The following MIA2 variants were observed in gnomAD, a reference collection of about 807,000 sequenced individuals.
MIA2 encodes the protein MIA SH3 domain ER export factor 2, also known as melanoma inhibitory activity protein 2.
MIA2 carries 127 observed loss-of-function variants against 167.8 expected under a neutral mutation model. That is an observed-to-expected ratio of 0.76 (90% confidence interval 0.66 to 0.88). The LOEUF is 0.88. Ranked by LOEUF, MIA2 falls within the 40% of genes least tolerant of loss-of-function variation. The probability of loss-of-function intolerance (pLI) is 0.00; values close to 1 mark genes in which losing one functional copy is unlikely to be tolerated. For missense variants in MIA2, 1,690 were observed against 1,624.7 expected (o/e 1.04, Z -0.69); for synonymous variants, 552 against 541.9 (o/e 1.02, Z -0.26).
chr14:39,354,358 G>A (rs2074467950), downstream of MIA2, among the ~76,000 whole-genome samples: 1 of 152,176 alleles, frequency 6.6e-6, no homozygotes, highest in Non-Finnish European at 1.5e-5. Flanking sequence ...CTGCATAAAT[G>A]TCTTCTTTTG....
At chr14:39,354,752 G>T (rs994690340), downstream of MIA2, among the ~76,000 whole-genome samples, 3 of 152,162 alleles carry the variant, frequency 2.0e-5, no homozygotes, top group Non-Finnish European at 2.9e-5. Flanking sequence ...GTGTAAGGAA[G>T]GGGTCCAGTT....
intron 22 of MIA2, 52 bp downstream of exon 22, chr14:39,318,063 A>C: frequency 1.5e-6 from 2 of 1,305,940 alleles, no homozygotes; most frequent in South Asian, 2.7e-5. Context: ...TATTTCGTTA[A>C]TTAGGTAATA....
rs977217444 is a variant in MIA2, at chr14:39,270,496, G to T, written c.1888-6438G>T. On this transcript the variant is annotated intron_variant, in intron 6 of 28. Transcript: ENST00000640607. Reference sequence around the variant, plus strand: ...TTACAGGTGTGAGTCCCCCCACCCGGCTTTACTCTGTTTTTTGTTGTTGTT... The same window carrying T: ...TTACAGGTGTGAGTCCCCCCACCCGTCTTTACTCTGTTTTTTGTTGTTGTT... Among the ~76,000 whole-genome samples, 7 of 151,974 alleles carry T rather than the reference G, an allele frequency of 4.6e-5. No individual in the cohort carries two copies. In the South Asian group the frequency reaches 1.5e-3, roughly 32 times the overall value.
At chr14:39,350,048 G>A in intron 28 of MIA2, 50 bp from the exon 29 acceptor site, 1 of 717,894 alleles carries the variant, frequency 1.4e-6, no homozygotes. Context: ...TTAGGGCACA[G>A]TACAGGTTCT....
chr14:39,348,523 G>C (rs1302658709), intron 27 of MIA2, among the ~76,000 whole-genome samples: 1 of 151,954 alleles, frequency 6.6e-6, no homozygotes, highest in African/African-American at 2.4e-5. Flanking sequence ...TTACTTTGTT[G>C]GTTAAAGCTG....
Position 39,279,463 on chromosome 14 carries a change from C to G in MIA2, c.2056C>G (p.Leu686Val), listed in dbSNP as rs752078931. 5 of 1,607,272 alleles carry G rather than the reference C, an allele frequency of 3.1e-6. No individual in the cohort carries two copies. In the Admixed American group the frequency reaches 6.8e-5, roughly 22 times the overall value. The change falls in exon 9 of 29, where the codon CTT (leucine) becomes GTT (valine). Residue 686 changes from leucine (L) to valine (V), a missense_variant. Transcript: ENST00000640607. The part of the protein sequence containing the change: ...SRLYVGREKK[L>V]ALMLSGLIEE... ...GACTTTTTTAGGACGAGAGAAAAAG[C>G]TTGCTCTAATGCTTTCTGGACTAAT...
At chr14:39,312,418 G>T (rs932689132) in intron 18 of MIA2, among the ~76,000 whole-genome samples, 1 of 152,230 alleles carries the variant, frequency 6.6e-6, no homozygotes, top group Admixed American at 6.5e-5. Context: ...AATAGGTAAT[G>T]TAGTGTGTAG....
rs138671940 is a variant in MIA2 at position 39,279,484 on chromosome 14, C to G, written c.2077C>G (p.Leu693Val). 1 of 1,609,088 alleles carries G rather than the reference C, an allele frequency of 6.2e-7. No homozygotes were observed. The highest frequency in any genetic ancestry group is 1.1e-5 in the South Asian group (1 of 89,432). Residue 693 changes from leucine (L) to valine (V), a missense_variant, in exon 9 of 29, where the codon CTA becomes GTA. Leu to Val is a conservative substitution (Grantham distance 32, BLOSUM62 1). Transcript: ENST00000640607. The stretch of plus-strand genomic sequence containing the variant: ...AAAGCTTGCTCTAATGCTTTCTGGA[C>G]TAATTGAAGAAAAAAGTAAACTACT... ...EKKLALMLSG[L>V]IEEKSKLLEK...
chr14:39,315,317 A>T (rs1335448080), intron 20 of MIA2: 1 of 166,946 alleles, frequency 6.0e-6, no homozygotes, highest in Non-Finnish European at 1.3e-5. Flanking sequence ...AAAAAAAAAA[A>T]ATAAAATAAA....
intron 23 of MIA2, among the ~76,000 whole-genome samples, chr14:39,357,648 C>T (rs1008586522): frequency 2.6e-5 from 4 of 152,156 alleles, no homozygotes; most frequent in Non-Finnish European, 4.4e-5. Flanking sequence ...TTCCTAGCCT[C>T]GATGGTCTTC....
In MIA2 at chr14:39,303,473, T is replaced by G. The variant is rs758092007; in HGVS notation, c.2741-5T>G. The G allele has an allele frequency of 1.2e-5, 19 of 1,607,626 alleles. No individual in the cohort carries two copies. In the African/African-American group the frequency reaches 2.0e-4, roughly 17 times the overall value. Reference sequence around the variant, plus strand: ...TCATTGTTGTGCTTTTGATTTTCACTGTAGATAATCCTCCAAAAGGAGCTT... The same window carrying G: ...TCATTGTTGTGCTTTTGATTTTCACGGTAGATAATCCTCCAAAAGGAGCTT... On this transcript the variant is annotated splice_region_variant and splice_polypyrimidine_tract_variant and intron_variant, in intron 15 of 28. Coordinates refer to ENST00000640607, the MANE Select transcript of MIA2 (RefSeq NM_001329214.4).
intron 3 of MIA2, among the ~76,000 whole-genome samples, chr14:39,243,004 T>A (rs1228976927): frequency 1.3e-5 from 2 of 151,544 alleles, no homozygotes; most frequent in African/African-American, 4.9e-5. Context: ...ACGCCTGTAA[T>A]CCCAGCTACT....
At chr14:39,326,299 G>C (rs568058663) in intron 24 of MIA2, among the ~76,000 whole-genome samples, 6 of 152,140 alleles carry the variant, frequency 3.9e-5, no homozygotes, top group African/African-American at 1.4e-4. Context: ...TTTAAATCAG[G>C]CTATTTAAAA....
chr14:39,266,153 G>T, intron 6 of MIA2: 3 of 985,350 alleles, frequency 3.0e-6, no homozygotes, highest in Non-Finnish European at 3.6e-6. Flanking sequence ...AGTTCTTTTG[G>T]GTGATTTGTT....
At chr14:39,369,885 C>T (rs923463043) in intron 23 of MIA2, among the ~76,000 whole-genome samples, 3 of 152,064 alleles carry the variant, frequency 2.0e-5, no homozygotes, top group Non-Finnish European at 4.4e-5. Context: ...AACAACACCC[C>T]GTTTATTAGT....
intron 9 of MIA2, 132 bp from the exon 10 acceptor site, chr14:39,290,887 A>T: frequency 1.2e-6 from 1 of 834,452 alleles, no homozygotes; most frequent in Non-Finnish European, 1.9e-6. Flanking sequence ...TAAAAAACTT[A>T]AAGCTAAGTA....
intron 4 of MIA2, among the ~76,000 whole-genome samples, chr14:39,251,270 A>G (rs1594679455): frequency 6.6e-6 from 1 of 152,166 alleles, no homozygotes; most frequent in Non-Finnish European, 1.5e-5. Context: ...TACAATGTGC[A>G]TAACGATTTT....
At chr14:39,293,236 T>C in intron 10 of MIA2, 35 bp from the exon 11 acceptor site, 1 of 1,372,826 alleles carries the variant, frequency 7.3e-7, no homozygotes, top group East Asian at 2.3e-5. Flanking sequence ...GAAAAATTCT[T>C]ATATCTGTTT....
rs1233939522 is a variant in MIA2, at chr14:39,248,100, A to G, written c.1526A>G (p.Asn509Ser). The change falls in exon 4 of 29, where the codon AAT (asparagine) becomes AGT (serine). Residue 509 changes from asparagine (N) to serine (S), a missense_variant. Transcript: ENST00000640607. ...TCCATTGATAATTATCCCACAGATAATACAAAAGTTATGATATTCAAAAGT... is the reference window on the plus strand; with the variant it reads ...TCCATTGATAATTATCCCACAGATAGTACAAAAGTTATGATATTCAAAAGT... The part of the protein sequence containing the change: ...EFSIDNYPTD[N>S]TKVMIFKSSY... 2.0e-6 allele frequency: 3 copies of G among 1,537,230 alleles called. No homozygotes were observed.
Sources: gnomAD v4.1 joint callset for allele counts (sites outside exome capture counted in the v4.1 genomes callset) on GRCh38, gnomAD v4.1.1 for gene constraint, MANE v1.5 for transcripts, NCBI Gene and HGNC (gene_info 2026-07-23, HGNC 2026-07-21) for gene names.